Variants in PCK2 observed in about 807,000 individuals in gnomAD.
PCK2 encodes the protein phosphoenolpyruvate carboxykinase 2, mitochondrial, also known as phosphoenolpyruvate carboxykinase [GTP], mitochondrial.
Under a neutral mutation model 65.9 loss-of-function variants are expected in PCK2, and 56 were observed. That is an observed-to-expected ratio of 0.85 (90% confidence interval 0.69 to 1.06). The LOEUF (loss-of-function observed/expected upper bound fraction) is 1.06. Among genes scored for constraint, PCK2 ranks in the 50% least tolerant of loss-of-function variants. The pLI is 0.00. For missense variants in PCK2, 843 were observed against 863.1 expected (o/e 0.98, Z 0.29); for synonymous variants, 305 against 319.6 (o/e 0.95, Z 0.49).
rs201980042 is a variant in PCK2 at position 24,103,687 on chromosome 14, G to A, written c.1646G>A (p.Gly549Glu). 6.2e-7 allele frequency: 1 copy of A among 1,614,206 alleles called. No homozygotes were observed. The highest frequency in any genetic ancestry group is 8.5e-7 in the Non-Finnish European group (1 of 1,180,022). The change falls in exon 10 of 10, where the codon GGG (glycine) becomes GAG (glutamate). Residue 549 changes from glycine to glutamate, a missense_variant. Transcript: ENST00000216780. ...EAGHFLWPGF[G>E]ENARVLDWIC... ...GGGCACTTCCTGTGGCCAGGCTTTG[G>A]GGAGAATGCTCGGGTGCTAGACTGG... is the stretch of plus-strand genomic sequence containing the variant.
At chr14:24,099,365 C>A in intron 5 of PCK2, 129 bp downstream of exon 5, 2 of 1,074,178 alleles carry the variant, frequency 1.9e-6, no homozygotes, top group Non-Finnish European at 2.6e-6. Context: ...ACTTGAAGGC[C>A]CAAAGCTTTG....
Position 24,099,119 on chromosome 14 carries a change from G to A in PCK2, c.735G>A (p.Glu245=). The change falls in exon 5 of 10, where the codon GAG becomes GAA. Residue 245 remains glutamate (E), a synonymous_variant. Transcript: ENST00000216780. ...TLIGHVPDQR[E]IISFGSGYGG... Reference sequence around the variant, plus strand: ...TTGGCCACGTGCCCGACCAGCGGGAGATCATCTCCTTCGGCAGCGGCTATG... The same window carrying A: ...TTGGCCACGTGCCCGACCAGCGGGAAATCATCTCCTTCGGCAGCGGCTATG... 1 of 1,612,610 alleles carries A rather than the reference G, an allele frequency of 6.2e-7. No individual in the cohort carries two copies. The highest frequency in any genetic ancestry group is 8.5e-7 in the Non-Finnish European group (1 of 1,179,630).
At chr14:24,096,172 G>T (rs1283387802) in intron 1 of PCK2, among the ~76,000 whole-genome samples, 1 of 148,660 alleles carries the variant, frequency 6.7e-6, no homozygotes, top group Non-Finnish European at 1.5e-5. Context: ...ATATGAAATT[G>T]TCACCTGGGC....
chr14:24,099,830 A>C, intron 6 of PCK2, 110 bp downstream of exon 6: 1 of 1,506,960 alleles, frequency 6.6e-7, no homozygotes, highest in African/African-American at 1.4e-5. Context: ...CTGAACACCC[A>C]ACCCTGCTCC....
chr14:24,095,951 G>A (rs1341043429), intron 1 of PCK2, among the ~76,000 whole-genome samples: 1 of 152,168 alleles, frequency 6.6e-6, no homozygotes, highest in Non-Finnish European at 1.5e-5. Flanking sequence ...GCAGATCAGG[G>A]CCTGGAAGCC....
intron 7 of PCK2, chr14:24,100,663 T>C: frequency 1.2e-6 from 1 of 811,136 alleles, no homozygotes; most frequent in South Asian, 5.3e-5. Flanking sequence ...GTTTGGCCCA[T>C]TAGGAAAAGA....
Position 24,103,536 on chromosome 14 carries a change from G to A in PCK2, c.1495G>A (p.Ala499Thr). The A allele has an allele frequency of 6.4e-7, 1 of 1,560,466 alleles. No individual in the cohort carries two copies. The highest frequency in any genetic ancestry group is 8.7e-7 in the Non-Finnish European group (1 of 1,152,094). ...KGKIIMHDPF[A>T]MRPFFGYNFG... ...GAAGATCATCATGCACGACCCATTT[G>A]CCATGCGGCCCTTTTTTGGCTACAA... Residue 499 changes from alanine (A) to threonine (T), a missense_variant, in exon 10 of 10, where the codon GCC becomes ACC. Coordinates refer to ENST00000216780, the MANE Select transcript of PCK2 (RefSeq NM_004563.4).
intron 2 of PCK2, among the ~76,000 whole-genome samples, chr14:24,097,341 G>A (rs995387237): frequency 3.3e-5 from 5 of 151,326 alleles, no homozygotes; most frequent in African/African-American, 7.3e-5. Context: ...ACCAGGTGTC[G>A]GGAGTTTGGG....
Position 24,102,827 on chromosome 14 carries a change from G to T in PCK2, c.1309G>T (p.Ala437Ser). 6.2e-7 allele frequency: 1 copy of T among 1,614,024 alleles called. No individual in the cohort carries two copies. Among genetic ancestry groups the T allele is most frequent in the Middle Eastern group, 1.7e-4 (1 of 6,058 alleles). ...PARQCPIMDP[A>S]WEAPEGVPID... is the part of the protein sequence containing the mutation. ...TCGCCAGTGCCCCATCATGGACCCA[G>T]CCTGGGAGGCCCCAGAGGGTGTCCC... The change falls in exon 8 of 10, where the codon GCC (alanine) becomes TCC (serine). Residue 437 changes from alanine (A) to serine (S), a missense_variant. Physicochemically the swap from Ala to Ser is moderately conservative, Grantham distance 99. Coordinates refer to ENST00000216780, the MANE Select transcript of PCK2 (RefSeq NM_004563.4).
At chr14:24,098,706 A>G in intron 4 of PCK2, 28 bp downstream of exon 4, 1 of 1,583,558 alleles carries the variant, frequency 6.3e-7, no homozygotes. Flanking sequence ...CCCAAGGGGA[A>G]CACAGAGGCC....
rs1447632245 is a variant in PCK2, at chr14:24,094,806, C to G, written c.29+372C>G. On this transcript the variant is annotated intron_variant, in intron 1 of 9. Coordinates refer to ENST00000216780, the MANE Select transcript of PCK2 (RefSeq NM_004563.4). The surrounding 1 kb of genome is among the most constrained non-coding windows in gnomAD (Gnocchi z 4.1). ...CTCTAACGGGCTCTCAGCCAGCGCCCCAGGGTACTTCGAGAGGCAGCAGGG... is the reference window on the plus strand; with the variant it reads ...CTCTAACGGGCTCTCAGCCAGCGCCGCAGGGTACTTCGAGAGGCAGCAGGG... The G allele has an allele frequency of 1.6e-5, 21 of 1,349,294 alleles. No individual in the cohort carries two copies. The highest frequency in any genetic ancestry group is 8.9e-5 in the Admixed American group (4 of 45,158). The allele number at this position is 1,349,294 out of a possible 1,614,324, so 83.6% of individuals were successfully genotyped here. A position where few individuals can be genotyped will look rare whatever the true frequency, so the allele number is the denominator to read the frequency against.
At chr14:24,098,068 G>A (rs1321567482) in intron 2 of PCK2, 135 bp from the exon 3 acceptor site, 1 of 705,566 alleles carries the variant, frequency 1.4e-6, no homozygotes, top group African/African-American at 1.8e-5. Flanking sequence ...CTGGAGGAAG[G>A]GACTGAGATG....
chr14:24,098,717 T>C, intron 4 of PCK2, 39 bp downstream of exon 4: 1 of 1,555,004 alleles, frequency 6.4e-7, no homozygotes, highest in Non-Finnish European at 8.8e-7. Flanking sequence ...CACAGAGGCC[T>C]TCTTGTACTC....
At chr14:24,102,711 A>C in intron 7 of PCK2, 42 bp from the exon 8 acceptor site, 1 of 1,586,400 alleles carries the variant, frequency 6.3e-7, no homozygotes, top group South Asian at 1.1e-5. Flanking sequence ...TTGGGGGTCG[A>C]CATGACCTTG....
chr14:24,094,369 C>T lies in PCK2; in HGVS notation c.-37C>T, dbSNP rs757239220. The T allele has an allele frequency of 4.2e-5, 65 of 1,533,604 alleles. No homozygotes were observed. Among genetic ancestry groups the T allele is most frequent in the Non-Finnish European group, 4.8e-5 (55 of 1,140,366 alleles). The allele number at this position is 1,533,604 out of a possible 1,614,324, so 95.0% of individuals were successfully genotyped here. On this transcript the variant is annotated 5_prime_UTR_variant, in exon 1 of 10. Coordinates refer to ENST00000216780, the MANE Select transcript of PCK2 (RefSeq NM_004563.4). The surrounding 1 kb of genome is among the most constrained non-coding windows in gnomAD (Gnocchi z 4.1). ...CCTTCCATACCTCCCCGGCTCCGCT[C>T]GGTTCCTGGCCACCCCGCAGCCCCT...
At position 24,098,579 on chromosome 14, in the gene PCK2, C is replaced by T. The variant is rs377444905; in HGVS notation, c.565C>T (p.Arg189Cys). ...CTCAGCCTATGTGGTGGCAAGCATG[C>T]GTATTATGACCCGACTGGGGACACC... is the stretch of plus-strand genomic sequence containing the variant. ...TDSAYVVASM[R>C]IMTRLGTPVL... Residue 189 changes from arginine (R) to cysteine (C), a missense_variant, in exon 4 of 10, where the codon CGT (arginine) becomes TGT (cysteine). Physicochemically the swap from Arg to Cys is radical, Grantham distance 180. Coordinates refer to ENST00000216780, the MANE Select transcript of PCK2 (RefSeq NM_004563.4). 41 of 1,613,978 alleles carry T rather than the reference C, an allele frequency of 2.5e-5. No homozygotes were observed. Among genetic ancestry groups the T allele is most frequent in the African/African-American group, 6.7e-5 (5 of 74,932 alleles).
At position 24,097,111 on chromosome 14, in the gene PCK2, C is replaced by T. The variant is rs1263817753; in HGVS notation, c.249C>T (p.Ile83=). 6.2e-7 allele frequency: 1 copy of T among 1,613,916 alleles called. No individual in the cohort carries two copies. The highest frequency in any genetic ancestry group is 2.2e-5 in the East Asian group (1 of 44,876). ...CCCTGCTGGAGCAGCAGGGCCTCAT[C>T]CGAAAGCTCCCCAAGTACAATAACT... ...TLTLLEQQGL[I]RKLPKYNNCW... Residue 83 remains isoleucine (I), a synonymous_variant, in exon 2 of 10, where the codon ATC becomes ATT. Coordinates refer to ENST00000216780, the MANE Select transcript of PCK2 (RefSeq NM_004563.4).
At chr14:24,097,289 G>A (rs2036929494) in intron 2 of PCK2, 152 bp downstream of exon 2, 6 of 738,524 alleles carry the variant, frequency 8.1e-6, no homozygotes, top group South Asian at 3.8e-5. Context: ...ATTTGCTTAC[G>A]CCTATAATCC....
chr14:24,100,353 C>A, intron 7 of PCK2, 140 bp downstream of exon 7: 1 of 1,465,586 alleles, frequency 6.8e-7, no homozygotes, highest in East Asian at 2.4e-5. Context: ...TTTCCAGTCC[C>A]AGGCAAAATC....
Sources: gnomAD v4.1 joint callset for allele counts (sites outside exome capture counted in the v4.1 genomes callset) on GRCh38, gnomAD v4.1.1 for gene constraint, Gnocchi (gnomAD v3.1) non-coding constraint, MANE v1.5 for transcripts, NCBI Gene and HGNC (gene_info 2026-07-23, HGNC 2026-07-21) for gene names.